TMEM178B: variants seen among roughly 807,000 people sequenced by gnomAD.
TMEM178B encodes transmembrane protein 178B.
TMEM178B carries 5 observed loss-of-function variants against 31.0 expected under a neutral mutation model. The ratio of observed to expected loss-of-function variants is 0.16; its 90% CI spans 0.08 to 0.34. TMEM178B has a LOEUF of 0.34. Ranked by LOEUF, TMEM178B falls within the 10% of genes least tolerant of loss-of-function variation. TMEM178B has a pLI of 1.00. For missense variants in TMEM178B, 275 were observed against 400.3 expected (o/e 0.69, Z 2.67); for synonymous variants, 164 against 164.0 (o/e 1.00, Z 0.00).
intron 2 of TMEM178B, among the ~76,000 whole-genome samples, chr7:141,333,668 T>C (rs1799334062): frequency 6.6e-6 from 1 of 152,182 alleles, no homozygotes; most frequent in South Asian, 2.1e-4. Context: ...CTGTCCATGG[T>C]GCTGAGTAGA....
intron 2 of TMEM178B, among the ~76,000 whole-genome samples, chr7:141,217,324 G>A (rs1797172911): frequency 6.6e-6 from 1 of 152,224 alleles, no homozygotes; most frequent in African/African-American, 2.4e-5. Context: ...ACAAGGGGAG[G>A]TGGCTGATAG....
chr7:141,147,148 A>G (rs2129179981), intron 1 of TMEM178B, among the ~76,000 whole-genome samples: 1 of 152,276 alleles, frequency 6.6e-6, no homozygotes, highest in East Asian at 1.9e-4. Flanking sequence ...GTTTTGGAGA[A>G]GCATAGTGAG....
At chr7:141,175,764 G>C (rs1173868962) in intron 1 of TMEM178B, among the ~76,000 whole-genome samples, 1 of 152,068 alleles carries the variant, frequency 6.6e-6, no homozygotes, top group East Asian at 1.9e-4. Context: ...CTGTTTGTCT[G>C]TTATTGGTGT....
At chr7:141,491,403 A>C in the TMEM178B span, among the ~76,000 whole-genome samples, 1 of 152,174 alleles carries the variant, frequency 6.6e-6, no homozygotes, top group African/African-American at 2.4e-5. Flanking sequence ...CAAAATCCTT[A>C]AACATCTTTA....
At chr7:141,271,925 G>A (rs1452629297) in intron 2 of TMEM178B, among the ~76,000 whole-genome samples, 1 of 152,124 alleles carries the variant, frequency 6.6e-6, no homozygotes, top group Non-Finnish European at 1.5e-5. Context: ...ATTTAAACTT[G>A]CATTTCCACC....
chr7:141,335,695 G>A (rs1475968854), intron 2 of TMEM178B, among the ~76,000 whole-genome samples: 2 of 152,168 alleles, frequency 1.3e-5, no homozygotes, highest in Non-Finnish European at 1.5e-5. Context: ...ATGGGATCTT[G>A]TTGGCATCAC....
intron 2 of TMEM178B, among the ~76,000 whole-genome samples, chr7:141,315,290 C>T (rs566376291): frequency 1.3e-5 from 2 of 152,288 alleles, no homozygotes; most frequent in South Asian, 4.1e-4. Context: ...TCTGTGCAAA[C>T]TCTTTACCAT....
chr7:141,148,453 A>G (rs1044576228), intron 1 of TMEM178B, among the ~76,000 whole-genome samples: 1 of 152,138 alleles, frequency 6.6e-6, no homozygotes, highest in South Asian at 2.1e-4. Flanking sequence ...GAGTGTGCAA[A>G]GTAGGCAGGG....
intron 3 of TMEM178B, among the ~76,000 whole-genome samples, chr7:141,462,627 G>T (rs1467055849): frequency 6.6e-6 from 1 of 152,034 alleles, no homozygotes; most frequent in African/African-American, 2.4e-5. Flanking sequence ...ACTAAAATTA[G>T]CAAGAAAACT....
chr7:141,312,660 G>A (rs1798932725), intron 2 of TMEM178B, among the ~76,000 whole-genome samples: 1 of 152,176 alleles, frequency 6.6e-6, no homozygotes, highest in African/African-American at 2.4e-5. Flanking sequence ...TTCCAAAACA[G>A]TTTCTAAATT....
At chr7:141,494,962 G>A in the TMEM178B span, among the ~76,000 whole-genome samples, 2 of 152,108 alleles carry the variant, frequency 1.3e-5, no homozygotes, top group African/African-American at 4.8e-5. Flanking sequence ...ATTGAAGCCG[G>A]GTGGTGGGAG....
At chr7:141,508,159 C>G in the TMEM178B span, among the ~76,000 whole-genome samples, 8 of 152,168 alleles carry the variant, frequency 5.3e-5, no homozygotes, top group Non-Finnish European at 1.2e-4. Flanking sequence ...TGCTTAGAAA[C>G]TTCTTCTGCC....
intron 1 of TMEM178B, among the ~76,000 whole-genome samples, chr7:141,119,098 G>A (rs1243259095): frequency 2.0e-5 from 3 of 152,200 alleles, no homozygotes; most frequent in Non-Finnish European, 4.4e-5. Flanking sequence ...AAGGAAGCCT[G>A]CAGAGGCTGA....
At chr7:141,287,945 C>A (rs1288844352) in intron 2 of TMEM178B, among the ~76,000 whole-genome samples, 1 of 152,196 alleles carries the variant, frequency 6.6e-6, no homozygotes, top group Non-Finnish European at 1.5e-5. Flanking sequence ...AAATTATCTT[C>A]TCTGAGCAGT....
chr7:141,464,858 G>C (rs1440633894), intron 3 of TMEM178B, among the ~76,000 whole-genome samples: 1 of 152,076 alleles, frequency 6.6e-6, no homozygotes, highest in South Asian at 2.1e-4. Flanking sequence ...GTTATGCCTG[G>C]CACTGCTTAC....
intron 3 of TMEM178B, among the ~76,000 whole-genome samples, chr7:141,441,779 A>G (rs565923766): frequency 6.6e-6 from 1 of 152,252 alleles, no homozygotes; most frequent in Admixed American, 6.5e-5. Flanking sequence ...ATGAAGGAAG[A>G]TGGCCTGCGC....
chr7:141,227,743 G>A (rs907269368), intron 2 of TMEM178B, among the ~76,000 whole-genome samples: 2 of 152,178 alleles, frequency 1.3e-5, no homozygotes, highest in Non-Finnish European at 2.9e-5. Flanking sequence ...AAATAGGGAG[G>A]TGAGGTCACC....
chr7:141,354,635 A>G (rs1799788504), intron 2 of TMEM178B, among the ~76,000 whole-genome samples: 1 of 152,162 alleles, frequency 6.6e-6, no homozygotes, highest in Admixed American at 6.5e-5. Context: ...TTCCTCTATT[A>G]TTAACCCCCA....
chr7:141,118,625 T>C (rs1355492118), intron 1 of TMEM178B, among the ~76,000 whole-genome samples: 1 of 152,190 alleles, frequency 6.6e-6, no homozygotes, highest in Non-Finnish European at 1.5e-5. Context: ...GTGCAAGTAT[T>C]GTAGGACGCC....
Sources: allele counts gnomAD v4.1 joint callset (sites outside exome capture counted in the v4.1 genomes callset), GRCh38; gene constraint gnomAD v4.1.1; transcripts MANE v1.5; gene names NCBI Gene and HGNC (gene_info 2026-07-23, HGNC 2026-07-21).